Variants in DCLK2 observed in about 807,000 individuals in gnomAD.
DCLK2 encodes the protein doublecortin like kinase 2.
A neutral mutation model predicts 78.4 loss-of-function variants in DCLK2; 31 were observed. That is an observed-to-expected ratio of 0.40 (90% CI 0.30 to 0.53). The LOEUF is 0.53. DCLK2 is among the 20% of genes least tolerant of loss of function. The probability of loss-of-function intolerance (pLI) is 0.61; values close to 1 mark genes in which losing one functional copy is unlikely to be tolerated. For missense variants in DCLK2, 872 were observed against 973.7 expected (o/e 0.90, Z 1.39); for synonymous variants, 407 against 374.9 (o/e 1.09, Z -0.99).
chr4:150,236,978 A>G (rs751029195), intron 10 of DCLK2, among the ~76,000 whole-genome samples: 40 of 152,204 alleles, frequency 2.6e-4, no homozygotes, highest in Admixed American at 5.9e-4. Flanking sequence ...TGAGTATCTG[A>G]CAGCAACCTC....
At chr4:150,129,329 CA>C (rs1206011727) in intron 2 of DCLK2, among the ~76,000 whole-genome samples, 1 of 152,078 alleles carries the variant, frequency 6.6e-6, no homozygotes. Flanking sequence ...ACAGTCATGT[CA>C]TAAGTGACAT....
chr4:150,136,979 C>CTTTTTTTTT (rs35729685), intron 2 of DCLK2, among the ~76,000 whole-genome samples: 99 of 82,394 alleles, frequency 1.2e-3, no homozygotes, highest in East Asian at 1.8e-3. Flanking sequence ...TCTTCTTCTT[C>CTTTTTTTTT]TTTTTTTTTT....
chr4:150,166,089 T>G (rs971053707), intron 2 of DCLK2, among the ~76,000 whole-genome samples: 3 of 152,208 alleles, frequency 2.0e-5, no homozygotes, highest in African/African-American at 4.8e-5. Flanking sequence ...GACTGTGGTG[T>G]TCTATTGTAG....
intron 5 of DCLK2, chr4:150,209,694 C>G (rs1018696503): frequency 3.9e-5 from 6 of 152,264 alleles, no homozygotes; most frequent in African/African-American, 1.2e-4. Context: ...GGATGGTGAT[C>G]AAAAGCACGT....
intron 5 of DCLK2, among the ~76,000 whole-genome samples, chr4:150,209,451 A>G (rs1046444604): frequency 6.6e-6 from 1 of 152,208 alleles, no homozygotes; most frequent in African/African-American, 2.4e-5. Context: ...GATCTCCTCG[A>G]GACTCTGGTT....
chr4:150,195,427 T>C lies in DCLK2; in HGVS notation c.859+2187T>C, dbSNP rs868808024. Among the ~76,000 whole-genome samples the C allele has an allele frequency of 1.3e-3, 2 of 1,568 alleles. 1 individual carries two copies. Among genetic ancestry groups the C allele is most frequent in the Non-Finnish European group, 6.3e-3 (2 of 316 alleles). The allele number at this position is 1,568 out of a possible 152,430, so 1.0% of individuals were successfully genotyped here. ...ATATATTATATATATTATATAATAT[T>C]ATATATTATATATATAATATATATT... On this transcript the variant is annotated intron_variant, in intron 3 of 15. Coordinates refer to ENST00000296550, the MANE Select transcript of DCLK2 (RefSeq NM_001040260.4).
chr4:150,115,045 T>TA (rs1205509649), intron 2 of DCLK2, among the ~76,000 whole-genome samples: 2 of 152,242 alleles, frequency 1.3e-5, no homozygotes, highest in East Asian at 3.8e-4. Flanking sequence ...TTGGCCATTT[T>TA]ATATAATCCT....
At chr4:150,101,530 T>A (rs552077248) in intron 1 of DCLK2, among the ~76,000 whole-genome samples, 117 of 152,274 alleles carry the variant, frequency 7.7e-4, no homozygotes, top group Middle Eastern at 6.8e-3. Flanking sequence ...AAATAATGGA[T>A]TCTTTTTAGA....
intron 10 of DCLK2, among the ~76,000 whole-genome samples, chr4:150,236,482 C>G (rs866323263): frequency 3.3e-5 from 5 of 152,166 alleles, no homozygotes; most frequent in Non-Finnish European, 7.4e-5. Flanking sequence ...TGGGGTGGCT[C>G]TAGAAGTCCA....
At chr4:150,232,854 C>G in intron 10 of DCLK2, 26 bp downstream of exon 10, 1 of 1,602,294 alleles carries the variant, frequency 6.2e-7, no homozygotes, top group Non-Finnish European at 8.5e-7. Context: ...TTTTTCTGTT[C>G]CAATGAATGC....
intron 2 of DCLK2, among the ~76,000 whole-genome samples, chr4:150,175,795 T>C (rs1466893015): frequency 6.6e-6 from 1 of 152,222 alleles, no homozygotes; most frequent in Non-Finnish European, 1.5e-5. Context: ...CATTTTGGCG[T>C]GTCTTCATGC....
chr4:150,104,135 A>T (rs1260110776), intron 2 of DCLK2, among the ~76,000 whole-genome samples: 1 of 152,150 alleles, frequency 6.6e-6, no homozygotes, highest in Non-Finnish European at 1.5e-5. Flanking sequence ...GGAAAAAGGC[A>T]TATAAACAGT....
At chr4:150,162,985 A>G (rs1735805079) in intron 2 of DCLK2, among the ~76,000 whole-genome samples, 1 of 152,214 alleles carries the variant, frequency 6.6e-6, no homozygotes, top group Non-Finnish European at 1.5e-5. Context: ...AATTGTTGGT[A>G]CTGAGAATTG....
In DCLK2 at chr4:150,210,626, G is replaced by A. The variant is rs575873617; in HGVS notation, c.1056+6737G>A. ...TGCACTCCAGCTTGGGCAACAGAGC[G>A]AGCCTCTGTCTCCAGGAAAAAAAGA... On this transcript the variant is annotated intron_variant, in intron 5 of 15. Coordinates refer to ENST00000296550, the MANE Select transcript of DCLK2 (RefSeq NM_001040260.4). 5.9e-5 allele frequency among the ~76,000 whole-genome samples: 9 copies of A among 151,698 alleles called. No homozygotes were observed. In the East Asian group the frequency reaches 1.4e-3, roughly 23 times the overall value.
intron 1 of DCLK2, 47 bp from the exon 2 acceptor site, chr4:150,102,431 C>A: frequency 6.4e-7 from 1 of 1,570,274 alleles, no homozygotes; most frequent in Admixed American, 1.8e-5. Context: ...CCAAATGCTT[C>A]TATGATAGAG....
At chr4:150,229,480 G>A (rs1003469167) in intron 8 of DCLK2, among the ~76,000 whole-genome samples, 11 of 152,270 alleles carry the variant, frequency 7.2e-5, no homozygotes, top group Admixed American at 2.6e-4. Context: ...TTATCCACCC[G>A]AAAGGAGGAA....
intron 2 of DCLK2, among the ~76,000 whole-genome samples, chr4:150,115,836 G>A (rs1241570670): frequency 6.6e-6 from 1 of 152,162 alleles, no homozygotes; most frequent in Admixed American, 6.5e-5. Context: ...CAGGCCAGTA[G>A]GGGAAGTATC....
At chr4:150,169,383 G>A (rs765740418) in intron 2 of DCLK2, among the ~76,000 whole-genome samples, 6 of 152,216 alleles carry the variant, frequency 3.9e-5, no homozygotes, top group Non-Finnish European at 5.9e-5. Flanking sequence ...CAGAGGCCTG[G>A]TGCAGTGGCT....
intron 2 of DCLK2, among the ~76,000 whole-genome samples, chr4:150,174,392 A>G (rs368126752): frequency 8.5e-5 from 13 of 152,258 alleles, no homozygotes; most frequent in African/African-American, 2.6e-4. Flanking sequence ...CTTGTTTTAT[A>G]TAATAGTCCC....
Sources: gnomAD v4.1 joint callset for allele counts (sites outside exome capture counted in the v4.1 genomes callset) on GRCh38, gnomAD v4.1.1 for gene constraint, MANE v1.5 for transcripts, NCBI Gene and HGNC (gene_info 2026-07-23, HGNC 2026-07-21) for gene names.